LAPTM4B: variants seen among roughly 807,000 people sequenced by gnomAD.
LAPTM4B encodes the protein lysosomal-associated transmembrane protein 4B.
A neutral mutation model predicts 28.5 loss-of-function variants in LAPTM4B; 26 were observed. The observed-to-expected ratio is 0.91, with a 90% CI of 0.67 to 1.27. The LOEUF (loss-of-function observed/expected upper bound fraction) is 1.27. LAPTM4B is among the 50% of genes most tolerant of loss of function. The pLI is 0.00. For missense variants in LAPTM4B, 288 were observed against 285.8 expected, an observed-to-expected ratio of 1.01 and a Z score of -0.06; for synonymous variants, 109 against 106.4, an observed-to-expected ratio of 1.02 and a Z score of -0.15.
chr8:97,827,974 A>G (rs1817118889), intron 6 of LAPTM4B, among the ~76,000 whole-genome samples: 1 of 152,144 alleles, frequency 6.6e-6, no homozygotes, highest in African/African-American at 2.4e-5. Flanking sequence ...CTAATAAGCT[A>G]AGACGGCAGC....
In LAPTM4B at chr8:97,775,988, T is replaced by G; in HGVS notation, c.-22T>G. 1 of 1,561,686 alleles carries G rather than the reference T, an allele frequency of 6.4e-7. No homozygotes were observed. The highest frequency in any genetic ancestry group is 8.6e-7 in the Non-Finnish European group (1 of 1,161,342). On this transcript the variant is annotated 5_prime_UTR_variant, in exon 1 of 7. Coordinates refer to ENST00000521545, the MANE Select transcript of LAPTM4B (RefSeq NM_018407.6). ...CGCTCCTGAAAACTTGCGCGCGCGCTCGCGCCACTGCGCCCGGAGCGATGA... is the reference window on the plus strand; with the variant it reads ...CGCTCCTGAAAACTTGCGCGCGCGCGCGCGCCACTGCGCCCGGAGCGATGA...
At chr8:97,820,304 C>CTTTTTTTTTTTTT (rs71570268) in intron 5 of LAPTM4B, among the ~76,000 whole-genome samples, 13 of 128,314 alleles carry the variant, frequency 1.0e-4, no homozygotes, top group Admixed American at 1.7e-4. Context: ...TTCTTTCTTT[C>CTTTTTTTTTTTTT]TTTTTTTTTT....
chr8:97,793,563 G>A (rs1816537811), intron 1 of LAPTM4B, among the ~76,000 whole-genome samples: 1 of 152,176 alleles, frequency 6.6e-6, no homozygotes, highest in South Asian at 2.1e-4. Flanking sequence ...CAAGAGTGAT[G>A]TCAACATCAT....
rs1817520195 is a variant in LAPTM4B at position 97,851,334 on chromosome 8, T to C, written c.604-63T>C. On this transcript the variant is annotated intron_variant, in intron 6 of 6. Coordinates refer to ENST00000521545, the MANE Select transcript of LAPTM4B (RefSeq NM_018407.6). ...AGTTGCATAAAAGTTCAGTAAAAGCTAAACCTCGGGGAACGTGTGTGCTCT... is the reference window on the plus strand; with the variant it reads ...AGTTGCATAAAAGTTCAGTAAAAGCCAAACCTCGGGGAACGTGTGTGCTCT... 3.0e-6 allele frequency: 4 copies of C among 1,351,284 alleles called. No homozygotes were observed. In the Admixed American group the frequency reaches 6.8e-5, roughly 23 times the overall value. The allele number at this position is 1,351,284 out of a possible 1,614,324, so 83.7% of individuals were successfully genotyped here.
rs1176218610 is a variant in LAPTM4B at position 97,777,137 on chromosome 8, G to GTTTTTTTTTTT, written c.99+1046_99+1056dup. On this transcript the variant is annotated intron_variant, in intron 1 of 6. Transcript: ENST00000521545. ...AGCATATATAACTTTTTTCAGTGAG[G>GTTTTTTTTTTT]TTTTTTTTTTTTTTTTTTTTTTTTT... is the stretch of plus-strand genomic sequence containing the variant. Among the ~76,000 whole-genome samples the GTTTTTTTTTTT allele has an allele frequency of 2.5e-3, 211 of 83,854 alleles. 19 individuals are homozygous for GTTTTTTTTTTT. The highest frequency in any genetic ancestry group is 9.8e-3 in the Middle Eastern group (1 of 102). 55.0% of individuals were successfully genotyped at this position (83,854 alleles called of 152,430 possible).
rs1291138064 is a variant in LAPTM4B at position 97,819,871 on chromosome 8, A to G, written c.507+633A>G. On this transcript the variant is annotated intron_variant, in intron 5 of 6. Transcript: ENST00000521545. The stretch of plus-strand genomic sequence containing the variant: ...TGCCTCAGCCTCCCCAGTAGGTGGG[A>G]CCACAGATACCCGCCACCATGCCCA... 4.6e-5 allele frequency among the ~76,000 whole-genome samples: 7 copies of G among 151,388 alleles called. No individual in the cohort carries two copies. The East Asian group carries it at 1.4e-3, about 29-fold the overall frequency.
intron 1 of LAPTM4B, among the ~76,000 whole-genome samples, chr8:97,787,355 G>A (rs985471678): frequency 1.4e-5 from 2 of 147,770 alleles, no homozygotes; most frequent in African/African-American, 2.5e-5. Context: ...GTGCAATCTC[G>A]GCTCACTGCA....
chr8:97,785,178 C>T (rs75350186), intron 1 of LAPTM4B, among the ~76,000 whole-genome samples: 10 of 152,020 alleles, frequency 6.6e-5, no homozygotes, highest in South Asian at 4.2e-4. Flanking sequence ...CTCCACCTCC[C>T]GGGTTCAAGC....
In LAPTM4B at chr8:97,816,138, G is replaced by A. The variant is rs763939758; in HGVS notation, c.366G>A (p.Val122=). 1.3e-5 allele frequency: 21 copies of A among 1,613,600 alleles called. No homozygotes were observed. The highest frequency in any genetic ancestry group is 1.7e-5 in the Non-Finnish European group (20 of 1,179,842). The change falls in exon 4 of 7, where the codon GTG becomes GTA. Residue 122 remains valine, a synonymous_variant. Coordinates refer to ENST00000521545, the MANE Select transcript of LAPTM4B (RefSeq NM_018407.6). ...TGAACATGTTGGTTGCAATCACTGT[G>A]CTTATTTATCCAAACTCCATTCAGG... ...FALNMLVAIT[V]LIYPNSIQEY... is the part of the protein sequence containing the mutation.
At position 97,806,888 on chromosome 8, in the gene LAPTM4B, G is replaced by A. The variant is rs575733934; in HGVS notation, c.211+1424G>A. On this transcript the variant is annotated intron_variant, in intron 2 of 6. Coordinates refer to ENST00000521545, the MANE Select transcript of LAPTM4B (RefSeq NM_018407.6). ...AGGAGAATTGCTTGAACCCCAGGTG[G>A]CGGAGGTTGCAGTGAGCCGAGATCG... 2.0e-5 allele frequency among the ~76,000 whole-genome samples: 3 copies of A among 152,240 alleles called. No homozygotes were observed. In the East Asian group the frequency reaches 5.8e-4, roughly 29 times the overall value.
intron 2 of LAPTM4B, among the ~76,000 whole-genome samples, chr8:97,806,093 G>A (rs1816753075): frequency 6.6e-6 from 1 of 152,196 alleles, no homozygotes; most frequent in Non-Finnish European, 1.5e-5. Context: ...AGAACTTCAA[G>A]TGAGTTTTTC....
chr8:97,849,843 GTT>G (rs1817494258), intron 6 of LAPTM4B, among the ~76,000 whole-genome samples: 1 of 148,136 alleles, frequency 6.8e-6, no homozygotes, highest in African/African-American at 2.6e-5. Context: ...GTTCCTGTGT[GTT>G]TCTGCAGTGT....
chr8:97,851,483 G>A lies in LAPTM4B; in HGVS notation c.*9G>A, dbSNP rs1357123431. On this transcript the variant is annotated 3_prime_UTR_variant, in exon 7 of 7. Coordinates refer to ENST00000521545, the MANE Select transcript of LAPTM4B (RefSeq NM_018407.6). ...CTTACGTGTCTGCCTAAGCCTTCAA[G>A]TGGGCGGAGCTGAGGGCAGCAGCTT... 6.2e-7 allele frequency: 1 copy of A among 1,610,378 alleles called. No homozygotes were observed. Among genetic ancestry groups the A allele is most frequent in the South Asian group, 1.1e-5 (1 of 91,012 alleles).
intron 1 of LAPTM4B, among the ~76,000 whole-genome samples, chr8:97,795,002 A>G (rs1563604323): frequency 6.6e-6 from 1 of 152,238 alleles, no homozygotes; most frequent in Non-Finnish European, 1.5e-5. Flanking sequence ...GTGAGCCGCC[A>G]TGCCCAGCCC....
At chr8:97,786,446 G>A (rs1333112578) in intron 1 of LAPTM4B, among the ~76,000 whole-genome samples, 1 of 151,494 alleles carries the variant, frequency 6.6e-6, no homozygotes, top group African/African-American at 2.4e-5. Flanking sequence ...GCTCACGCCT[G>A]TAATCCCAGC....
At chr8:97,831,514 G>A (rs971527914) in intron 6 of LAPTM4B, among the ~76,000 whole-genome samples, 1 of 152,148 alleles carries the variant, frequency 6.6e-6, no homozygotes, top group Non-Finnish European at 1.5e-5. Context: ...TTTTGAGAAT[G>A]TATTTCCATA....
chr8:97,811,326 C>G (rs1264830175), intron 2 of LAPTM4B, among the ~76,000 whole-genome samples: 1 of 152,124 alleles, frequency 6.6e-6, no homozygotes, highest in African/African-American at 2.4e-5. Flanking sequence ...AATCTGTCGT[C>G]AGCCATGTAT....
intron 6 of LAPTM4B, among the ~76,000 whole-genome samples, chr8:97,832,239 A>G (rs1817192392): frequency 6.6e-6 from 1 of 152,228 alleles, no homozygotes; most frequent in Admixed American, 6.5e-5. Flanking sequence ...AAAATTTATC[A>G]AAATAGCTAC....
chr8:97,800,615 G>A (rs1816659889), intron 1 of LAPTM4B, among the ~76,000 whole-genome samples: 1 of 150,042 alleles, frequency 6.7e-6, no homozygotes, highest in African/African-American at 2.5e-5. Flanking sequence ...TCCTGCCTCA[G>A]CTTCCGGAGT....
Sources: gnomAD v4.1 joint callset for allele counts (sites outside exome capture counted in the v4.1 genomes callset) on GRCh38, gnomAD v4.1.1 for gene constraint, MANE v1.5 for transcripts, NCBI Gene and HGNC (gene_info 2026-07-23, HGNC 2026-07-21) for gene names.